Variants in TPST1 observed in about 807,000 individuals in gnomAD.
The protein encoded by TPST1 is tyrosylprotein sulfotransferase 1.
In TPST1, 20 loss-of-function variants were observed where a neutral mutation model predicts 34.8. The ratio of observed to expected loss-of-function variants is 0.57; its 90% CI spans 0.40 to 0.84. The LOEUF (loss-of-function observed/expected upper bound fraction) is 0.84. Among genes scored for constraint, TPST1 ranks in the 40% least tolerant of loss-of-function variants. TPST1 has a pLI of 0.00. For synonymous variants in TPST1, 152 were observed against 159.4 expected, an observed-to-expected ratio of 0.95 and a Z score of 0.35; for missense variants, 353 against 455.5, an observed-to-expected ratio of 0.78 and a Z score of 2.05.
chr7:66,274,429 T>C (rs1790767651), intron 2 of TPST1, among the ~76,000 whole-genome samples: 2 of 151,384 alleles, frequency 1.3e-5, no homozygotes, highest in Admixed American at 6.6e-5. Context: ...GAGCCACCTG[T>C]ACCTGGCCTC....
At chr7:66,307,387 G>C (rs1413551234) in intron 3 of TPST1, among the ~76,000 whole-genome samples, 1 of 152,070 alleles carries the variant, frequency 6.6e-6, no homozygotes, top group Non-Finnish European at 1.5e-5. Flanking sequence ...CAAAGTGCTG[G>C]GATTACAGGT....
intron 2 of TPST1, among the ~76,000 whole-genome samples, chr7:66,262,538 G>A (rs1423332716): frequency 6.6e-6 from 1 of 152,086 alleles, no homozygotes; most frequent in Admixed American, 6.6e-5. Context: ...AAAGATGCCT[G>A]TTTTTTTAGC....
intron 3 of TPST1, among the ~76,000 whole-genome samples, chr7:66,293,203 C>G (rs138698480): frequency 0.012 from 1,872 of 150,016 alleles, 35 homozygotes; most frequent in African/African-American, 0.043. Context: ...GAGACTCCAT[C>G]TCAAAAAAAA....
intron 1 of TPST1, among the ~76,000 whole-genome samples, chr7:66,227,729 A>T (rs1365455496): frequency 6.8e-6 from 1 of 147,764 alleles, no homozygotes; most frequent in African/African-American, 2.5e-5. Context: ...GAGCCAACAG[A>T]TTTTTTTTTT....
intron 3 of TPST1, among the ~76,000 whole-genome samples, chr7:66,346,907 A>G (rs1792362169): frequency 6.6e-6 from 1 of 152,012 alleles, no homozygotes; most frequent in Admixed American, 6.6e-5. Context: ...GCTCAGTGCA[A>G]TGTCCTGGAG....
chr7:66,307,517 T>G (rs1408233203), intron 3 of TPST1, among the ~76,000 whole-genome samples: 2 of 152,220 alleles, frequency 1.3e-5, no homozygotes, highest in Non-Finnish European at 2.9e-5. Context: ...GGATGCTGGT[T>G]TTTGACAGAA....
In TPST1 at chr7:66,252,629, G is replaced by T. The variant is rs73365410; in HGVS notation, c.845+11359G>T. 1.7e-3 allele frequency among the ~76,000 whole-genome samples: 259 copies of T among 152,100 alleles called. 1 individual carries two copies. The highest frequency in any genetic ancestry group is 6.1e-3 in the African/African-American group (252 of 41,510). On this transcript the variant is annotated intron_variant, in intron 2 of 5. Transcript: ENST00000304842. ...ATTACAGGCGTGAGCCACCGTGCCC[G>T]GCCAGTAGCTTATCTTTTAACTTCC...
intron 1 of TPST1, among the ~76,000 whole-genome samples, chr7:66,224,604 G>A (rs951960060): frequency 2.0e-5 from 3 of 152,194 alleles, no homozygotes; most frequent in African/African-American, 7.2e-5. Context: ...GGGCCTGTGT[G>A]TGTGCACTGG....
intron 3 of TPST1, among the ~76,000 whole-genome samples, chr7:66,318,399 ATTAC>A (rs1562842414): frequency 6.6e-6 from 1 of 151,710 alleles, no homozygotes; most frequent in Non-Finnish European, 1.5e-5. Context: ...CATGCTCACA[ATTAC>A]TTCTTGCATC....
chr7:66,325,462 A>G (rs2116230782), intron 3 of TPST1, among the ~76,000 whole-genome samples: 1 of 151,878 alleles, frequency 6.6e-6, no homozygotes, highest in South Asian at 2.1e-4. Context: ...AATACTATAC[A>G]ATGGTTTTTA....
chr7:66,231,026 T>C (rs987309224), intron 1 of TPST1, among the ~76,000 whole-genome samples: 5 of 151,648 alleles, frequency 3.3e-5, no homozygotes, highest in African/African-American at 4.9e-5. Context: ...GATTGGTGCG[T>C]TTACAAACCT....
At chr7:66,313,302 C>A (rs1292099790) in intron 3 of TPST1, among the ~76,000 whole-genome samples, 2 of 152,062 alleles carry the variant, frequency 1.3e-5, no homozygotes, top group East Asian at 1.9e-4. Context: ...ATAATCCCAG[C>A]TACTCGGGAG....
chr7:66,296,992 C>T (rs531813127), intron 3 of TPST1, among the ~76,000 whole-genome samples: 48 of 152,200 alleles, frequency 3.2e-4, no homozygotes, highest in African/African-American at 1.1e-3. Flanking sequence ...GGATCCCCAC[C>T]TCAGAAATAC....
At chr7:66,330,655 AAACTCAC>A (rs750990077) in intron 3 of TPST1, among the ~76,000 whole-genome samples, 1 of 152,106 alleles carries the variant, frequency 6.6e-6, no homozygotes, top group Non-Finnish European at 1.5e-5. Flanking sequence ...ACATTCCTTA[AAACTCAC>A]AGTCCACCTC....
chr7:66,252,005 T>C (rs1315716789), intron 2 of TPST1, among the ~76,000 whole-genome samples: 3 of 152,220 alleles, frequency 2.0e-5, no homozygotes, highest in Non-Finnish European at 2.9e-5. Flanking sequence ...CTCTAAGATA[T>C]ACACTTTGGA....
At chr7:66,263,191 A>G (rs1164995780) in intron 2 of TPST1, among the ~76,000 whole-genome samples, 3 of 152,210 alleles carry the variant, frequency 2.0e-5, no homozygotes, top group Non-Finnish European at 4.4e-5. Context: ...TTTTAGGGTA[A>G]AGGTGGGGGT....
chr7:66,309,363 G>A (rs1445255836), intron 3 of TPST1, among the ~76,000 whole-genome samples: 2 of 152,202 alleles, frequency 1.3e-5, no homozygotes, highest in South Asian at 2.1e-4. Context: ...TCTGGTTAAT[G>A]TACTCATATA....
At chr7:66,224,233 A>G (rs1309304707) in intron 1 of TPST1, among the ~76,000 whole-genome samples, 1 of 152,232 alleles carries the variant, frequency 6.6e-6, no homozygotes, top group Non-Finnish European at 1.5e-5. Flanking sequence ...CAAAGCTGTC[A>G]TTCAAAATCA....
At chr7:66,294,452 A>G (rs1250052043) in intron 3 of TPST1, among the ~76,000 whole-genome samples, 1 of 152,154 alleles carries the variant, frequency 6.6e-6, no homozygotes, top group African/African-American at 2.4e-5. Context: ...ATTAATTTCT[A>G]TGTGAATTCC....
Sources: allele counts gnomAD v4.1 joint callset (sites outside exome capture counted in the v4.1 genomes callset), GRCh38; gene constraint gnomAD v4.1.1; transcripts MANE v1.5; gene names NCBI Gene and HGNC (gene_info 2026-07-23, HGNC 2026-07-21).